The following MGAT5 variants were observed in gnomAD, a reference collection of about 807,000 sequenced individuals.
MGAT5 encodes alpha-1,6-mannosylglycoprotein 6-beta-N-acetylglucosaminyltransferase, also known as alpha-1,6-mannosylglycoprotein 6-beta-N-acetylglucosaminyltransferase A.
In MGAT5, 30 loss-of-function variants were observed where a neutral mutation model predicts 94.3. The observed-to-expected ratio is 0.32, with a 90% CI of 0.24 to 0.43. The LOEUF (loss-of-function observed/expected upper bound fraction) is 0.43, where lower values mean the gene tolerates loss of function less well. Ranked by LOEUF, MGAT5 falls within the 20% of genes least tolerant of loss-of-function variation. MGAT5 has a pLI of 1.00. For missense variants in MGAT5, 691 were observed against 905.5 expected (o/e 0.76, Z 3.04); for synonymous variants, 310 against 322.9 (o/e 0.96, Z 0.43).
rs1684376767 is a variant in MGAT5 at position 134,422,866 on chromosome 2, C to T, written c.1741C>T (p.Leu581Phe). ...IGRPHVWTVD[L>F]NNQEEVEDAV... ...GCGGCCACATGTGTGGACTGTTGAC[C>T]TCAACAATCAGGAGGAAGTAGAGGA... The change falls in exon 13 of 16, where the codon CTC (leucine) becomes TTC (phenylalanine). Residue 581 changes from leucine (L) to phenylalanine (F), a missense_variant. Around this residue, in one of 4 missense-constraint regions of MGAT5, gnomAD observed 260 missense variants for 347.0 expected, o/e 0.75. Coordinates refer to ENST00000281923, the MANE Select transcript of MGAT5 (RefSeq NM_002410.5). The T allele has an allele frequency of 6.2e-7, 1 of 1,613,772 alleles. No homozygotes were observed. Among genetic ancestry groups the T allele is most frequent in the Non-Finnish European group, 8.5e-7 (1 of 1,179,832 alleles).
Position 134,254,112 on chromosome 2 carries a change from C to T in MGAT5, c.-292C>T. 1 of 554,158 alleles carries T rather than the reference C, an allele frequency of 1.8e-6. No individual in the cohort carries two copies. Among genetic ancestry groups the T allele is most frequent in the Non-Finnish European group, 3.2e-6 (1 of 315,812 alleles). 34.3% of individuals were successfully genotyped at this position (554,158 alleles called of 1,614,324 possible). A position where few individuals can be genotyped will look rare whatever the true frequency, so the allele number is the denominator to read the frequency against. On this transcript the variant is annotated 5_prime_UTR_variant, in exon 1 of 16. Coordinates refer to ENST00000281923, the MANE Select transcript of MGAT5 (RefSeq NM_002410.5). ...CTTGTTGCCTAGCCAGATTTCCCCT[C>T]AGCTTACAGTTCCTGAATCATAAGA... is the stretch of plus-strand genomic sequence containing the variant.
At chr2:134,247,514 A>G (rs958242904) in intron 1 of MGAT5, among the ~76,000 whole-genome samples, 1 of 152,142 alleles carries the variant, frequency 6.6e-6, no homozygotes, top group Admixed American at 6.5e-5. Flanking sequence ...TGATACGTAT[A>G]TTGATTGTCT....
intron 13 of MGAT5, among the ~76,000 whole-genome samples, chr2:134,426,591 C>T: frequency 6.6e-6 from 1 of 152,092 alleles, no homozygotes; most frequent in Admixed American, 6.5e-5. Flanking sequence ...GATAAATGAA[C>T]CCAGATATGC....
intron 4 of MGAT5, among the ~76,000 whole-genome samples, chr2:134,332,891 T>C (rs564337986): frequency 6.1e-4 from 93 of 151,978 alleles, no homozygotes; most frequent in African/African-American, 2.2e-3. Flanking sequence ...TGAGATACCA[T>C]CTCCTACCAG....
intron 1 of MGAT5, among the ~76,000 whole-genome samples, chr2:134,121,814 GTCAGGACCTGA>G (rs1210817708): frequency 6.6e-6 from 1 of 152,118 alleles, no homozygotes; most frequent in Non-Finnish European, 1.5e-5. Context: ...CCAGTTTATT[GTCAGGACCTGA>G]TCAACTTGGT....
rs1449470652 is a variant in MGAT5, at chr2:134,202,812, A to G, written c.-142-51450A>G. ...CCGTGCAGAATGCAAGTCACAGATA[A>G]TGTAACCCAACAACAAACACAATTC... On this transcript the variant is annotated intron_variant, in intron 1 of 16. Transcript: ENST00000409645. Among the ~76,000 whole-genome samples, 4 of 152,360 alleles carry G rather than the reference A, an allele frequency of 2.6e-5. 1 individual carries two copies. The highest frequency in any genetic ancestry group is 2.0e-4 in the Admixed American group (3 of 15,308).
At chr2:134,423,291 G>A (rs1684398470) in intron 13 of MGAT5, among the ~76,000 whole-genome samples, 1 of 152,160 alleles carries the variant, frequency 6.6e-6, no homozygotes, top group Middle Eastern at 3.2e-3. Flanking sequence ...AAATGCTGAG[G>A]AATGTTTTTA....
At chr2:134,389,752 G>A (rs527731692) in intron 10 of MGAT5, among the ~76,000 whole-genome samples, 37 of 152,294 alleles carry the variant, frequency 2.4e-4, no homozygotes, top group South Asian at 6.2e-4. Flanking sequence ...TAAGTGTTAG[G>A]TGACTCCTTT....
chr2:134,161,506 C>T (rs540293700), intron 1 of MGAT5, among the ~76,000 whole-genome samples: 1 of 152,336 alleles, frequency 6.6e-6, no homozygotes, highest in South Asian at 2.1e-4. Flanking sequence ...TGGACTCTGG[C>T]TGGCAGGAGG....
intron 1 of MGAT5, among the ~76,000 whole-genome samples, chr2:134,159,495 G>A (rs1185277353): frequency 6.6e-6 from 1 of 152,172 alleles, no homozygotes; most frequent in Non-Finnish European, 1.5e-5. Flanking sequence ...CTGTCGAGGA[G>A]TTTTTACAGG....
At chr2:134,322,968 G>A (rs1170993830) in intron 4 of MGAT5, among the ~76,000 whole-genome samples, 1 of 152,138 alleles carries the variant, frequency 6.6e-6, no homozygotes, top group Non-Finnish European at 1.5e-5. Context: ...AAAAGGACAT[G>A]AAGTAAAATG....
At chr2:134,224,124 G>A (rs183728310) in intron 1 of MGAT5, among the ~76,000 whole-genome samples, 21 of 152,080 alleles carry the variant, frequency 1.4e-4, no homozygotes, top group African/African-American at 5.1e-4. Flanking sequence ...AGCAATGCTC[G>A]TCATGGCATT....
chr2:134,286,567 G>T (rs1278899999), intron 2 of MGAT5, among the ~76,000 whole-genome samples: 1 of 152,088 alleles, frequency 6.6e-6, no homozygotes, highest in Non-Finnish European at 1.5e-5. Context: ...AAGTAGCTGA[G>T]ATTACAGGCA....
intron 1 of MGAT5, chr2:134,127,113 T>C (rs1281851956): frequency 6.5e-6 from 1 of 154,774 alleles, no homozygotes; most frequent in African/African-American, 2.4e-5. Flanking sequence ...GAGCACCTAG[T>C]TAGAGGCCCC....
chr2:134,349,136 C>T (rs756063393), intron 8 of MGAT5, among the ~76,000 whole-genome samples: 2 of 152,152 alleles, frequency 1.3e-5, no homozygotes, highest in Non-Finnish European at 2.9e-5. Context: ...TTATTCTAAG[C>T]TCACAGACCG....
intron 4 of MGAT5, among the ~76,000 whole-genome samples, chr2:134,325,903 C>G (rs1410154573): frequency 6.6e-6 from 1 of 151,956 alleles, no homozygotes; most frequent in African/African-American, 2.4e-5. Flanking sequence ...CTCTTTGCCC[C>G]CTTGTATTTC....
intron 12 of MGAT5, among the ~76,000 whole-genome samples, chr2:134,418,557 C>T (rs959724984): frequency 9.2e-5 from 14 of 152,188 alleles, no homozygotes; most frequent in Non-Finnish European, 1.6e-4. Flanking sequence ...TGTACATTTC[C>T]TGTTTTCCAG....
chr2:134,176,003 C>G (rs1688445977), intron 1 of MGAT5, among the ~76,000 whole-genome samples: 1 of 152,194 alleles, frequency 6.6e-6, no homozygotes, highest in African/African-American at 2.4e-5. Flanking sequence ...TGTTTTATGA[C>G]TAGTCATCCA....
chr2:134,438,758 G>A (rs2106411779), intron 14 of MGAT5, among the ~76,000 whole-genome samples: 1 of 152,248 alleles, frequency 6.6e-6, no homozygotes, highest in South Asian at 2.1e-4. Flanking sequence ...TCTGTCTCTG[G>A]TGGTGCCCAG....
Sources: gnomAD v4.1 joint callset for allele counts (sites outside exome capture counted in the v4.1 genomes callset) on GRCh38, gnomAD v4.1.1 for gene constraint, gnomAD v4.1.1 regional missense constraint, MANE v1.5 for transcripts, NCBI Gene and HGNC (gene_info 2026-07-23, HGNC 2026-07-21) for gene names.